The following LAMA4 variants were observed in gnomAD, a reference collection of about 807,000 sequenced individuals.
LAMA4 encodes laminin subunit alpha 4.
LAMA4 carries 127 observed loss-of-function variants against 207.1 expected under a neutral mutation model. That is an observed-to-expected ratio of 0.61 (90% CI 0.53 to 0.71). LAMA4 has a LOEUF of 0.71. Ranked by LOEUF, LAMA4 falls within the 30% of genes least tolerant of loss-of-function variation. The pLI, the probability that LAMA4 is intolerant of heterozygous loss-of-function variation, is 0.00. For missense variants in LAMA4, 2,093 were observed against 2,246.5 expected (o/e 0.93, Z 1.38); for synonymous variants, 761 against 816.0 (o/e 0.93, Z 1.15).
chr6:112,237,258 G>A (rs1786000407), intron 2 of LAMA4, among the ~76,000 whole-genome samples: 1 of 152,184 alleles, frequency 6.6e-6, no homozygotes, highest in African/African-American at 2.4e-5. Context: ...CTATTACAGG[G>A]GTGCTCTGAG....
At chr6:112,205,191 G>A (rs1273684843) in intron 4 of LAMA4, among the ~76,000 whole-genome samples, 1 of 152,184 alleles carries the variant, frequency 6.6e-6, no homozygotes, top group East Asian at 1.9e-4. Flanking sequence ...CAGGCATAGA[G>A]TAAGAAAAAT....
At chr6:112,148,646 G>T (rs1780181447) in intron 17 of LAMA4, among the ~76,000 whole-genome samples, 2 of 152,012 alleles carry the variant, frequency 1.3e-5, no homozygotes, top group Admixed American at 6.6e-5. Flanking sequence ...TGAAAAAGTA[G>T]GCTTGTGGAA....
At chr6:112,132,536 C>T (rs1779096525) in intron 28 of LAMA4, among the ~76,000 whole-genome samples, 1 of 152,092 alleles carries the variant, frequency 6.6e-6, no homozygotes, top group South Asian at 2.1e-4. Context: ...TATCCATGAA[C>T]CCTTGGGGGT....
At chr6:112,186,705 G>A (rs996759547) in intron 8 of LAMA4, 3 of 441,462 alleles carry the variant, frequency 6.8e-6, no homozygotes, top group Non-Finnish European at 1.3e-5. Context: ...TGTCAATGCT[G>A]TGTAAATAGT....
intron 2 of LAMA4, among the ~76,000 whole-genome samples, chr6:112,220,346 T>G (rs1784856786): frequency 6.6e-6 from 1 of 152,150 alleles, no homozygotes; most frequent in South Asian, 2.1e-4. Flanking sequence ...GAGTGAAAAT[T>G]CCCATTTGCT....
At chr6:112,202,518 C>A (rs937155876) in intron 4 of LAMA4, among the ~76,000 whole-genome samples, 1 of 151,812 alleles carries the variant, frequency 6.6e-6, no homozygotes, top group Admixed American at 6.6e-5. Flanking sequence ...ACTATACAAC[C>A]AATAAAGTGT....
At chr6:112,162,645 T>C (rs1437663417) in intron 13 of LAMA4, among the ~76,000 whole-genome samples, 1 of 152,156 alleles carries the variant, frequency 6.6e-6, no homozygotes, top group African/African-American at 2.4e-5. Context: ...GTGGGTTTTA[T>C]TTAAGACATG....
At chr6:112,138,767 C>T (rs1376726838) in intron 24 of LAMA4, among the ~76,000 whole-genome samples, 1 of 151,972 alleles carries the variant, frequency 6.6e-6, no homozygotes, top group Non-Finnish European at 1.5e-5. Context: ...TACATATATA[C>T]AAAGCATGCA....
chr6:112,224,334 T>A (rs577588013), intron 2 of LAMA4, among the ~76,000 whole-genome samples: 3 of 152,134 alleles, frequency 2.0e-5, no homozygotes, highest in Non-Finnish European at 4.4e-5. Context: ...TCCAAGAATA[T>A]CCTCCCTCCC....
At chr6:112,112,878 A>T (rs1777785332) in intron 38 of LAMA4, among the ~76,000 whole-genome samples, 1 of 152,168 alleles carries the variant, frequency 6.6e-6, no homozygotes, top group Non-Finnish European at 1.5e-5. Flanking sequence ...AAAATAATCT[A>T]TTAGAAGATT....
At chr6:112,222,451 T>G (rs1554360854) in intron 2 of LAMA4, among the ~76,000 whole-genome samples, 2 of 152,136 alleles carry the variant, frequency 1.3e-5, no homozygotes, top group Non-Finnish European at 2.9e-5. Flanking sequence ...AGGCCCCATA[T>G]CCGCCATGCC....
intron 3 of LAMA4, among the ~76,000 whole-genome samples, chr6:112,208,577 A>G (rs1468309353): frequency 6.6e-6 from 1 of 152,182 alleles, no homozygotes; most frequent in African/African-American, 2.4e-5. Flanking sequence ...CTGGCTCCAG[A>G]AGTGAACTTG....
intron 38 of LAMA4, among the ~76,000 whole-genome samples, chr6:112,111,355 C>G (rs957529600): frequency 6.6e-6 from 1 of 152,138 alleles, no homozygotes; most frequent in Non-Finnish European, 1.5e-5. Flanking sequence ...AAAAAAAATT[C>G]TTTGATTTTT....
intron 18 of LAMA4, 67 bp downstream of exon 18, chr6:112,148,090 A>G: frequency 6.9e-7 from 1 of 1,459,762 alleles, no homozygotes; most frequent in Non-Finnish European, 9.6e-7. Flanking sequence ...TTTTTTGACA[A>G]AAGATGTATA....
Position 112,227,939 on chromosome 6 carries a change from G to C in LAMA4, c.196-11470C>G, listed in dbSNP as rs11965242. On this transcript the variant is annotated intron_variant, in intron 2 of 38. Transcript: ENST00000230538. ...TTCTAGTTGGGCCTTACTATTTAAG[G>C]CAGAGGTAAAAGATCCTCAAAATAG... Among the ~76,000 whole-genome samples the C allele has an allele frequency of 8.9e-3, 1,352 of 152,260 alleles. 18 individuals are homozygous for C. The highest frequency in any genetic ancestry group is 0.031 in the African/African-American group (1,293 of 41,540).
intron 16 of LAMA4, among the ~76,000 whole-genome samples, chr6:112,154,538 A>G (rs543234216): frequency 4.6e-5 from 7 of 151,886 alleles, no homozygotes; most frequent in African/African-American, 1.7e-4. Flanking sequence ...ATTTTAGGAC[A>G]TTTTTCCCCT....
chr6:112,187,874 T>A (rs539166468), intron 7 of LAMA4, among the ~76,000 whole-genome samples: 9 of 152,202 alleles, frequency 5.9e-5, no homozygotes, highest in African/African-American at 2.2e-4. Flanking sequence ...AGGGCACAGC[T>A]CCTCCTCACA....
rs1779573082 is a variant in LAMA4 at position 112,139,734 on chromosome 6, C to T, written c.3110+18G>A. 4 of 1,613,210 alleles carry T rather than the reference C, an allele frequency of 2.5e-6. No homozygotes were observed. The highest frequency in any genetic ancestry group is 3.4e-6 in the Non-Finnish European group (4 of 1,179,228). ...TGCATGAATATCCAAGTCTTTAGTA[C>T]TCTTAACTGTCTCTTACCGGGCACA... On this transcript the variant is annotated intron_variant, in intron 23 of 38. Coordinates refer to ENST00000230538, the MANE Select transcript of LAMA4 (RefSeq NM_001105206.3).
At chr6:112,218,620 A>G (rs1461253725) in intron 2 of LAMA4, 1 of 152,234 alleles carries the variant, frequency 6.6e-6, no homozygotes, top group Non-Finnish European at 1.5e-5. Context: ...CCTAGGTTGG[A>G]CAGCATGCAA....
Sources: gnomAD v4.1 joint callset for allele counts (sites outside exome capture counted in the v4.1 genomes callset) on GRCh38, gnomAD v4.1.1 for gene constraint, MANE v1.5 for transcripts, NCBI Gene and HGNC (gene_info 2026-07-23, HGNC 2026-07-21) for gene names.